The following AKT3 variants were observed in gnomAD, a reference collection of about 807,000 sequenced individuals.
AKT3 encodes RAC-gamma serine/threonine-protein kinase.
AKT3 carries 15 observed loss-of-function variants against 65.3 expected under a neutral mutation model. The observed-to-expected ratio is 0.23, with a 90% confidence interval of 0.15 to 0.35. AKT3 has a LOEUF of 0.35. Ranked by LOEUF, AKT3 falls within the 10% of genes least tolerant of loss-of-function variation. AKT3 has a pLI of 1.00. For missense variants in AKT3, 243 were observed against 576.5 expected, an observed-to-expected ratio of 0.42 and a Z score of 5.92; for synonymous variants, 206 against 183.8, an observed-to-expected ratio of 1.12 and a Z score of -0.98.
At chr1:243,646,892 TTA>T (rs1214605050) in intron 4 of AKT3, among the ~76,000 whole-genome samples, 3 of 152,190 alleles carry the variant, frequency 2.0e-5, no homozygotes, top group African/African-American at 7.2e-5. Flanking sequence ...TCAGGAGCAT[TTA>T]TATCAAGCAT....
chr1:243,525,415 G>A (rs797005425), intron 12 of AKT3, among the ~76,000 whole-genome samples: 8 of 151,394 alleles, frequency 5.3e-5, no homozygotes, highest in African/African-American at 1.9e-4. Context: ...GACATCAAAG[G>A]AAACTGATGC....
intron 2 of AKT3, among the ~76,000 whole-genome samples, chr1:243,713,921 AG>A (rs1287567909): frequency 6.6e-6 from 1 of 152,102 alleles, no homozygotes; most frequent in East Asian, 1.9e-4. Flanking sequence ...CACAGTAATT[AG>A]TATAAAAAAG....
intron 2 of AKT3, among the ~76,000 whole-genome samples, chr1:243,740,271 C>G (rs555852763): frequency 6.6e-6 from 1 of 152,286 alleles, no homozygotes; most frequent in African/African-American, 2.4e-5. Context: ...AGGCAGTATA[C>G]CTGAGTAACA....
Position 243,502,764 on chromosome 1 carries a change from G to C in AKT3, c.*2485C>G, listed in dbSNP as rs1165233838. ...GTGGAATAGAAGTGACTGAGCCCCA[G>C]GCATGGCTGGGAACTGAGAGCCAGT... On this transcript the variant is annotated 3_prime_UTR_variant, in exon 14 of 14. Coordinates refer to ENST00000673466, the MANE Select transcript of AKT3 (RefSeq NM_005465.7). The C allele has an allele frequency of 8.6e-6, 2 of 233,190 alleles. No homozygotes were observed. Among genetic ancestry groups the C allele is most frequent in the Admixed American group, 5.6e-5 (1 of 17,780 alleles). The allele number at this position is 233,190 out of a possible 1,614,324, so 14.4% of individuals were successfully genotyped here. A position where few individuals can be genotyped will look rare whatever the true frequency, so the allele number is the denominator to read the frequency against.
chr1:243,850,329 A>T (rs923412230), upstream of AKT3, among the ~76,000 whole-genome samples: 8 of 108,468 alleles, frequency 7.4e-5, no homozygotes, highest in Non-Finnish European at 1.4e-4. Flanking sequence ...CGGGAGGGGG[A>T]GGGAGGAGAG....
In AKT3 at chr1:243,808,735, C is replaced by T. The variant is rs916603063; in HGVS notation, c.46+34390G>A. On this transcript the variant is annotated intron_variant, in intron 2 of 13. Coordinates refer to ENST00000673466, the MANE Select transcript of AKT3 (RefSeq NM_005465.7). Reference sequence around the variant, plus strand: ...CTCCAAGACACATAATTGTCAGATTCGCCAAAGTTGAAATGAAGGGAAAAA... The same window carrying T: ...CTCCAAGACACATAATTGTCAGATTTGCCAAAGTTGAAATGAAGGGAAAAA... 8.5e-5 allele frequency among the ~76,000 whole-genome samples: 13 copies of T among 152,118 alleles called. No homozygotes were observed. In the East Asian group the frequency reaches 1.9e-3, roughly 23 times the overall value.
At chr1:243,767,922 T>C (rs1375191211) in intron 2 of AKT3, among the ~76,000 whole-genome samples, 3 of 151,894 alleles carry the variant, frequency 2.0e-5, no homozygotes, top group Non-Finnish European at 4.4e-5. Flanking sequence ...AATCTCAAAC[T>C]GTCAAAAGTA....
Position 243,848,565 on chromosome 1 carries a change from G to A in AKT3, c.-113+1475C>T, listed in dbSNP as rs1363129726. ...GTAAATACATAACCTAAACCAATGA[G>A]TTTCACTCATTTGTCAGCTTCAACC... is the stretch of plus-strand genomic sequence containing the variant. On this transcript the variant is annotated intron_variant, in intron 1 of 13. Coordinates refer to ENST00000673466, the MANE Select transcript of AKT3 (RefSeq NM_005465.7). Among the ~76,000 whole-genome samples, 25 of 152,246 alleles carry A rather than the reference G, an allele frequency of 1.6e-4. 1 individual carries two copies. The East Asian group carries it at 4.8e-3, about 29-fold the overall frequency.
intron 6 of AKT3, 125 bp downstream of exon 6, chr1:243,637,486 T>C: frequency 1.6e-6 from 1 of 617,490 alleles, no homozygotes; most frequent in Non-Finnish European, 2.5e-6. Flanking sequence ...ACTGTAGCAG[T>C]AGTCTACAAC....
intron 2 of AKT3, among the ~76,000 whole-genome samples, chr1:243,774,340 C>T (rs1266584949): frequency 6.6e-6 from 1 of 152,172 alleles, no homozygotes; most frequent in Non-Finnish European, 1.5e-5. Context: ...ACCATTGCTA[C>T]AATACTGCTT....
chr1:243,505,392 C>T, intron 13 of AKT3, 58 bp from the exon 14 acceptor site: 2 of 1,459,716 alleles, frequency 1.4e-6, no homozygotes, highest in Non-Finnish European at 1.9e-6. Context: ...AACATTATCT[C>T]TAGTCTATGT....
At chr1:243,711,189 C>G (rs530846358) in intron 2 of AKT3, among the ~76,000 whole-genome samples, 1 of 151,880 alleles carries the variant, frequency 6.6e-6, no homozygotes, top group Non-Finnish European at 1.5e-5. Context: ...TGTGGTGGCA[C>G]GTGCCTGTAG....
intron 6 of AKT3, among the ~76,000 whole-genome samples, chr1:243,626,747 T>C (rs753532120): frequency 6.6e-6 from 1 of 152,170 alleles, no homozygotes; most frequent in Non-Finnish European, 1.5e-5. Flanking sequence ...GATATGAGGA[T>C]GAAATGGCTG....
chr1:243,505,239 TGAA>T lies in AKT3; in HGVS notation c.*7_*9del. The T allele has an allele frequency of 6.2e-7, 1 of 1,609,248 alleles. No homozygotes were observed. The highest frequency in any genetic ancestry group is 8.5e-7 in the Non-Finnish European group (1 of 1,175,568). ...TGAAGATGACAGTGAAGTAGCAGAATGAAAGAGACTTATTCTCGTCCACTTGCA... is the reference window on the plus strand; with the variant it reads ...TGAAGATGACAGTGAAGTAGCAGAATAGAGACTTATTCTCGTCCACTTGCA... On this transcript the variant is annotated 3_prime_UTR_variant, in exon 14 of 14. Transcript: ENST00000673466.
At chr1:243,755,075 T>TA (rs1689045553) in intron 2 of AKT3, among the ~76,000 whole-genome samples, 2 of 152,066 alleles carry the variant, frequency 1.3e-5, no homozygotes, top group Admixed American at 6.6e-5. Context: ...TTAATTATTA[T>TA]TGGTTTTTTT....
intron 4 of AKT3, among the ~76,000 whole-genome samples, chr1:243,663,015 TA>T (rs1682487508): frequency 1.3e-5 from 2 of 152,166 alleles, no homozygotes; most frequent in African/African-American, 4.8e-5. Flanking sequence ...AAAAATCCAC[TA>T]AGAATAACAT....
chr1:243,598,290 A>G (rs2148568290), intron 8 of AKT3, among the ~76,000 whole-genome samples: 1 of 152,330 alleles, frequency 6.6e-6, no homozygotes, highest in East Asian at 1.9e-4. Flanking sequence ...ATAATAGTTG[A>G]ATAATCTTAT....
Position 243,683,395 on chromosome 1 carries a change from T to A in AKT3, c.172+12196A>T, listed in dbSNP as rs561275874. ...ATTTAGACTTCCTAAAAAATATATT[T>A]AAATATTAATTTTGATGACTCCTAT... On this transcript the variant is annotated intron_variant, in intron 3 of 13. Transcript: ENST00000673466. Among the ~76,000 whole-genome samples the A allele has an allele frequency of 3.9e-5, 6 of 152,276 alleles. No individual in the cohort carries two copies. The East Asian group carries it at 1.2e-3, about 29-fold the overall frequency.
At chr1:243,637,544 C>G in intron 6 of AKT3, 67 bp downstream of exon 6, 4 of 1,364,492 alleles carry the variant, frequency 2.9e-6, no homozygotes, top group Non-Finnish European at 3.9e-6. Context: ...CATGTAAATT[C>G]ATGAGCCCAC....
Sources: gnomAD v4.1 joint callset for allele counts (sites outside exome capture counted in the v4.1 genomes callset) on GRCh38, gnomAD v4.1.1 for gene constraint, MANE v1.5 for transcripts, NCBI Gene and HGNC (gene_info 2026-07-23, HGNC 2026-07-21) for gene names.